Variants in INTS12 observed in about 807,000 individuals in gnomAD.
INTS12 encodes integrator complex subunit 12, also known as PHD finger protein 22.
INTS12 carries 13 observed loss-of-function variants against 41.6 expected under a neutral mutation model. The observed-to-expected ratio is 0.31, with a 90% CI of 0.20 to 0.50. The LOEUF is 0.50. Ranked by LOEUF, INTS12 falls within the 20% of genes least tolerant of loss-of-function variation. INTS12 has a pLI of 0.98. For synonymous variants in INTS12, 199 were observed against 191.4 expected, an observed-to-expected ratio of 1.04 and a Z score of -0.33; for missense variants, 432 against 541.6, an observed-to-expected ratio of 0.80 and a Z score of 2.01.
intron 4 of INTS12, among the ~76,000 whole-genome samples, chr4:105,694,638 T>G (rs891871516): frequency 2.6e-5 from 4 of 152,050 alleles, no homozygotes; most frequent in Non-Finnish European, 5.9e-5. Context: ...GCTTCACTTA[T>G]GTAGATCTAA....
rs776000219 is a variant in INTS12, at chr4:105,687,227, A to AG, written c.658-390dup. On this transcript the variant is annotated intron_variant, in intron 6 of 7. Coordinates refer to ENST00000340139, the MANE Select transcript of INTS12 (RefSeq NM_020395.4). The stretch of plus-strand genomic sequence containing the variant: ...CACAAGAGTTTTCTTCTTGGGGTCT[A>AG]GGCATAAGTCGACTCCTCAGTTGCT... 3.8e-4 allele frequency: 81 copies of AG among 211,330 alleles called. 1 individual carries two copies. The highest frequency in any genetic ancestry group is 6.5e-4 in the Non-Finnish European group (68 of 104,538). 13.1% of individuals were successfully genotyped at this position (211,330 alleles called of 1,614,324 possible).
intron 2 of INTS12, among the ~76,000 whole-genome samples, chr4:105,702,130 C>CTTTTTTTTTTTTT (rs950826694): frequency 2.7e-5 from 3 of 109,510 alleles, no homozygotes; most frequent in African/African-American, 3.7e-5. Flanking sequence ...ATTTCTATTT[C>CTTTTTTTTTTTTT]TTTTTTTTTT....
rs762699595 is a variant in INTS12, at chr4:105,695,618, T to C, written c.207A>G (p.Gln69=). The change falls in exon 4 of 8, where the codon CAA becomes CAG. Residue 69 remains glutamine, a synonymous_variant. Coordinates refer to ENST00000340139, the MANE Select transcript of INTS12 (RefSeq NM_020395.4). ...GAAGACTGGATGATATTTTGGGCTC[T>C]TGCTTAATGGAAATGTTTTTTGTGC... ...ISSTKNISIK[Q]EPKISSSLPS... 3 of 1,613,410 alleles carry C rather than the reference T, an allele frequency of 1.9e-6. No individual in the cohort carries two copies. The highest frequency in any genetic ancestry group is 3.3e-5 in the Admixed American group (2 of 60,000).
chr4:105,686,760 C>T lies in INTS12; in HGVS notation c.736G>A (p.Val246Ile). ...TTCAGTTTAGTTTCTGGTTTCTTAA[C>T]CAATGGATCTTTGACAGCTGGAGTT... ...SVTPAVKDPL[V>I]KKPETKLKQE... Residue 246 changes from valine to isoleucine, a missense_variant, in exon 7 of 8, where the codon GTT becomes ATT. Val to Ile is a conservative substitution (Grantham distance 29). This residue lies in a region of INTS12 where 258 missense variants were observed against 309.9 expected (regional missense o/e 0.83). Coordinates refer to ENST00000340139, the MANE Select transcript of INTS12 (RefSeq NM_020395.4). The T allele has an allele frequency of 6.2e-7, 1 of 1,613,748 alleles. No homozygotes were observed. The highest frequency in any genetic ancestry group is 8.5e-7 in the Non-Finnish European group (1 of 1,179,820).
chr4:105,685,499 A>G (rs571838944), intron 7 of INTS12, among the ~76,000 whole-genome samples: 73 of 152,298 alleles, frequency 4.8e-4, no homozygotes, highest in African/African-American at 1.7e-3. Context: ...AATTAAAATG[A>G]AAAATAATCT....
In INTS12 at chr4:105,683,256, C is replaced by A; in HGVS notation, c.866G>T (p.Gly289Val). The A allele has an allele frequency of 6.2e-7, 1 of 1,613,942 alleles. No individual in the cohort carries two copies. Among genetic ancestry groups the A allele is most frequent in the Non-Finnish European group, 8.5e-7 (1 of 1,179,940 alleles). ...TGCAAAAGCTGCCCATCCAGTTAAGCCACTAGTTACTGACGAGGAAACGCT... is the reference window on the plus strand; with the variant it reads ...TGCAAAAGCTGCCCATCCAGTTAAGACACTAGTTACTGACGAGGAAACGCT... ...SASVSSSVTS[G>V]LTGWAAFAAK... is the part of the protein sequence containing the mutation. Residue 289 changes from glycine (G) to valine (V), a missense_variant, in exon 8 of 8, where the codon GGC (glycine) becomes GTC (valine). Coordinates refer to ENST00000340139, the MANE Select transcript of INTS12 (RefSeq NM_020395.4).
At position 105,689,530 on chromosome 4, in the gene INTS12, TATA is replaced by T. The variant is rs562638964; in HGVS notation, c.657+2443_657+2445del. 3.2e-3 allele frequency among the ~76,000 whole-genome samples: 488 copies of T among 152,336 alleles called. 1 individual carries two copies. The highest frequency in any genetic ancestry group is 0.011 in the African/African-American group (464 of 41,584). ...TGCTCTTGGTGTATTCTAGTCATGT[TATA>T]ATATTAGCCATGACTCCCCATTTAG... On this transcript the variant is annotated intron_variant, in intron 6 of 7. Transcript: ENST00000340139.
chr4:105,687,627 G>C (rs1731540943), intron 6 of INTS12, among the ~76,000 whole-genome samples: 1 of 152,118 alleles, frequency 6.6e-6, no homozygotes. Flanking sequence ...GTAATTTTCA[G>C]AGTCAAACAC....
chr4:105,692,894 T>G (rs532350454), intron 5 of INTS12, among the ~76,000 whole-genome samples: 14 of 152,210 alleles, frequency 9.2e-5, no homozygotes, highest in Non-Finnish European at 1.6e-4. Flanking sequence ...TGTGCACACA[T>G]AGGGTGCTCA....
intron 7 of INTS12, among the ~76,000 whole-genome samples, chr4:105,686,208 C>T (rs1007623102): frequency 1.1e-4 from 17 of 152,218 alleles, no homozygotes; most frequent in Admixed American, 7.8e-4. Flanking sequence ...TCACAGGCAC[C>T]GCCACTATGC....
At chr4:105,687,828 C>T (rs1323965980) in intron 6 of INTS12, among the ~76,000 whole-genome samples, 2 of 152,144 alleles carry the variant, frequency 1.3e-5, no homozygotes, top group African/African-American at 2.4e-5. Context: ...TGGCGGGTGC[C>T]TGTAATTCCA....
chr4:105,699,666 T>C (rs978320211), intron 3 of INTS12, among the ~76,000 whole-genome samples, 184 bp downstream of exon 3: 11 of 152,198 alleles, frequency 7.2e-5, no homozygotes, highest in Non-Finnish European at 1.6e-4. Flanking sequence ...CCAGCTGATT[T>C]TTCTATGTGG....
chr4:105,696,183 T>C (rs1299889377), intron 3 of INTS12, among the ~76,000 whole-genome samples: 1 of 152,160 alleles, frequency 6.6e-6, no homozygotes, highest in Non-Finnish European at 1.5e-5. Context: ...TAACATTTGA[T>C]AAGTTTTGAC....
At chr4:105,704,088 T>C (rs981336649) in intron 1 of INTS12, among the ~76,000 whole-genome samples, 2 of 152,150 alleles carry the variant, frequency 1.3e-5, no homozygotes, top group Admixed American at 6.5e-5. Flanking sequence ...TTCTATCTTT[T>C]CTCTTTTATA....
At chr4:105,694,885 T>G (rs1198408481) in intron 4 of INTS12, among the ~76,000 whole-genome samples, 1 of 152,160 alleles carries the variant, frequency 6.6e-6, no homozygotes, top group East Asian at 1.9e-4. Flanking sequence ...AAGTTTATGT[T>G]TAGTCATTTA....
chr4:105,690,478 C>A (rs955302792), intron 6 of INTS12, among the ~76,000 whole-genome samples: 1 of 151,346 alleles, frequency 6.6e-6, no homozygotes, highest in Non-Finnish European at 1.5e-5. Flanking sequence ...GTAGAATTAG[C>A]AAATCTGGTA....
chr4:105,705,656 C>T (rs1732238538), intron 1 of INTS12: 1 of 152,298 alleles, frequency 6.6e-6, no homozygotes, highest in East Asian at 1.9e-4. Context: ...AGCTATCTGA[C>T]TTATTTCAAG....
chr4:105,683,098 C>T lies in INTS12; in HGVS notation c.1024G>A (p.Gly342Ser), dbSNP rs1731377489. 1.2e-6 allele frequency: 2 copies of T among 1,614,054 alleles called. No homozygotes were observed. The highest frequency in any genetic ancestry group is 2.2e-5 in the East Asian group (1 of 44,878). ...GLTGLATSSKGGIGSKIGSNN... is the reference protein window; with the variant it reads ...GLTGLATSSKSGIGSKIGSNN... ...GAACCTATTTTGGAACCTATTCCAC[C>T]TTTGGATGATGTTGCCAGACCAGTC... is the stretch of plus-strand genomic sequence containing the variant. The change falls in exon 8 of 8, where the codon GGT becomes AGT. Residue 342 changes from glycine (G) to serine (S), a missense_variant. By Grantham distance (56) the Gly-to-Ser change is moderately conservative. Around this residue, in one of 3 missense-constraint regions of INTS12, gnomAD observed 258 missense variants for 309.9 expected, o/e 0.83. Coordinates refer to ENST00000340139, the MANE Select transcript of INTS12 (RefSeq NM_020395.4).
rs1300751716 is a variant in INTS12, at chr4:105,682,851, G to A, written c.1271C>T (p.Ser424Phe). 1.2e-6 allele frequency: 2 copies of A among 1,613,960 alleles called. No individual in the cohort carries two copies. Among genetic ancestry groups the A allele is most frequent in the Non-Finnish European group, 1.7e-6 (2 of 1,179,942 alleles). The change falls in exon 8 of 8, where the codon TCC (serine) becomes TTC (phenylalanine). Residue 424 changes from serine to phenylalanine, a missense_variant. Physicochemically the swap from Ser to Phe is radical, Grantham distance 155. Transcript: ENST00000340139. ...AAGGGATGCTGAGGGAGAGCTGCTG[G>A]ATTCTGAAGTAGTTTTGCTGGTAGT... ...GSTTSKTTSE[S>F]SSSPSASLKG...
Sources: gnomAD v4.1 joint callset for allele counts (sites outside exome capture counted in the v4.1 genomes callset) on GRCh38, gnomAD v4.1.1 for gene constraint, gnomAD v4.1.1 regional missense constraint, MANE v1.5 for transcripts, NCBI Gene and HGNC (gene_info 2026-07-23, HGNC 2026-07-21) for gene names.